The following RPS6KC1 variants were observed in gnomAD, a reference collection of about 807,000 sequenced individuals.
RPS6KC1 encodes ribosomal protein S6 kinase C1.
Under a neutral mutation model 103.8 loss-of-function variants are expected in RPS6KC1, and 54 were observed. That is an observed-to-expected ratio of 0.52 (90% CI 0.42 to 0.65). The LOEUF is 0.65. RPS6KC1 is among the 30% of genes least tolerant of loss of function. The pLI, the probability that RPS6KC1 is intolerant of heterozygous loss-of-function variation, is 0.00. For synonymous variants in RPS6KC1, 439 were observed against 438.7 expected (o/e 1.00, Z -0.01); for missense variants, 1,151 against 1,253.8 (o/e 0.92, Z 1.24).
At chr1:213,804,180 A>G in the RPS6KC1 span, among the ~76,000 whole-genome samples, 1 of 149,068 alleles carries the variant, frequency 6.7e-6, no homozygotes, top group African/African-American at 2.5e-5. Flanking sequence ...TCTTAAAAAA[A>G]AAAAAAAAAA....
At chr1:213,593,433 C>T in the RPS6KC1 span, among the ~76,000 whole-genome samples, 5,290 of 152,202 alleles carry the variant, frequency 0.035, 145 homozygotes, top group Middle Eastern at 0.078. Context: ...CTCATAAAGT[C>T]AAGGATATTC....
the RPS6KC1 span, among the ~76,000 whole-genome samples, chr1:213,407,766 T>A: frequency 6.6e-6 from 1 of 152,182 alleles, no homozygotes; most frequent in East Asian, 1.9e-4. Flanking sequence ...TTGGCCCTTC[T>A]AGATGAGTAA....
the RPS6KC1 span, chr1:213,821,310 A>T: frequency 6.6e-6 from 1 of 152,314 alleles, no homozygotes; most frequent in Non-Finnish European, 1.5e-5. Context: ...AGAGGCGTGG[A>T]AGAACATCTA....
chr1:213,862,511 G>A, the RPS6KC1 span, among the ~76,000 whole-genome samples: 635 of 152,134 alleles, frequency 4.2e-3, 4 homozygotes, highest in African/African-American at 0.014. Context: ...ATAAAGCAGC[G>A]ATTTTTTTTT....
chr1:213,510,324 C>T, the RPS6KC1 span, among the ~76,000 whole-genome samples: 1 of 152,192 alleles, frequency 6.6e-6, no homozygotes, highest in African/African-American at 2.4e-5. Context: ...AAATGCCTGA[C>T]TTCTTTTATC....
the RPS6KC1 span, among the ~76,000 whole-genome samples, chr1:213,305,955 A>T: frequency 6.6e-5 from 10 of 152,234 alleles, no homozygotes; most frequent in African/African-American, 2.2e-4. Context: ...TACAAGTGAC[A>T]GACCTCATTC....
At chr1:213,220,458 C>T (rs1339508380) in intron 8 of RPS6KC1, among the ~76,000 whole-genome samples, 1 of 152,162 alleles carries the variant, frequency 6.6e-6, no homozygotes, top group African/African-American at 2.4e-5. Context: ...TCCCAAGTAA[C>T]TGGGGTTACA....
At chr1:213,542,746 G>A in the RPS6KC1 span, among the ~76,000 whole-genome samples, 2 of 152,188 alleles carry the variant, frequency 1.3e-5, no homozygotes, top group South Asian at 2.1e-4. Flanking sequence ...TCAACAATGT[G>A]CATAGATTCT....
the RPS6KC1 span, among the ~76,000 whole-genome samples, chr1:213,372,677 G>A: frequency 6.6e-6 from 1 of 152,182 alleles, no homozygotes; most frequent in Admixed American, 6.5e-5. Flanking sequence ...TAAAATTCAT[G>A]ACAAGTTCCG....
chr1:213,376,774 A>G, the RPS6KC1 span, among the ~76,000 whole-genome samples: 1 of 152,194 alleles, frequency 6.6e-6, no homozygotes, highest in Non-Finnish European at 1.5e-5. Flanking sequence ...GGTAGAGTGA[A>G]CCATACAAGT....
At chr1:213,232,335 G>C in intron 10 of RPS6KC1, 80 bp downstream of exon 10, 1 of 1,540,958 alleles carries the variant, frequency 6.5e-7, no homozygotes, top group East Asian at 2.2e-5. Flanking sequence ...CATTTCATGA[G>C]CAGATAGAAT....
At chr1:213,511,086 A>G in the RPS6KC1 span, among the ~76,000 whole-genome samples, 2 of 152,224 alleles carry the variant, frequency 1.3e-5, no homozygotes, top group Non-Finnish European at 2.9e-5. Flanking sequence ...TCAAAGGAAT[A>G]ATTTAGAAAA....
chr1:213,334,773 CTCTT>C, the RPS6KC1 span, among the ~76,000 whole-genome samples: 1 of 152,340 alleles, frequency 6.6e-6, no homozygotes, highest in East Asian at 1.9e-4. Context: ...ATCTCTCTCT[CTCTT>C]TCTCTCCTTT....
At position 213,079,087 on chromosome 1, in the gene RPS6KC1, T is replaced by C. The variant is rs148548873; in HGVS notation, c.262+1271T>C. Among the ~76,000 whole-genome samples, 549 of 152,294 alleles carry C rather than the reference T, an allele frequency of 3.6e-3. 3 individuals are homozygous for C. Among genetic ancestry groups the C allele is most frequent in the African/African-American group, 0.012 (512 of 41,574 alleles). On this transcript the variant is annotated intron_variant, in intron 3 of 14. Coordinates refer to ENST00000366960, the MANE Select transcript of RPS6KC1 (RefSeq NM_012424.6). The stretch of plus-strand genomic sequence containing the variant: ...GTATATATATTTTTTCTTTATTTTT[T>C]ATATGACAGTATATTATGATTGTCT...
At chr1:213,660,242 C>T in the RPS6KC1 span, among the ~76,000 whole-genome samples, 6 of 152,234 alleles carry the variant, frequency 3.9e-5, no homozygotes, top group South Asian at 4.1e-4. Context: ...GGAGGAGGAA[C>T]GGGAAGGGAC....
the RPS6KC1 span, among the ~76,000 whole-genome samples, chr1:213,804,653 T>C: frequency 6.6e-6 from 1 of 152,232 alleles, no homozygotes; most frequent in Non-Finnish European, 1.5e-5. Flanking sequence ...TGATTTTTAT[T>C]GTTGTCTATC....
the RPS6KC1 span, among the ~76,000 whole-genome samples, chr1:213,734,415 T>C: frequency 2.0e-5 from 3 of 150,126 alleles, no homozygotes; most frequent in African/African-American, 7.4e-5. Flanking sequence ...ATTCTTAGCT[T>C]TTACTAATAT....
At chr1:213,114,622 C>T (rs2083386521) in intron 4 of RPS6KC1, among the ~76,000 whole-genome samples, 1 of 150,972 alleles carries the variant, frequency 6.6e-6, no homozygotes, top group Non-Finnish European at 1.5e-5. Context: ...AGAGGGCATC[C>T]CTGTCTTGTG....
the RPS6KC1 span, among the ~76,000 whole-genome samples, chr1:213,789,294 C>T: frequency 1.2e-4 from 18 of 152,072 alleles, no homozygotes; most frequent in South Asian, 2.1e-4. Flanking sequence ...ACCCTAACTC[C>T]GGCACCTTGG....
Sources: gnomAD v4.1 joint callset for allele counts (sites outside exome capture counted in the v4.1 genomes callset) on GRCh38, gnomAD v4.1.1 for gene constraint, MANE v1.5 for transcripts, NCBI Gene and HGNC (gene_info 2026-07-23, HGNC 2026-07-21) for gene names.